Variants in STAG2 observed in about 807,000 individuals in gnomAD.
STAG2 encodes cohesin subunit SA-2.
STAG2 carries 14 observed loss-of-function variants against 108.1 expected under a neutral mutation model. The ratio of observed to expected loss-of-function variants is 0.13; its 90% CI spans 0.09 to 0.20. The LOEUF (loss-of-function observed/expected upper bound fraction) is 0.20. Ranked by LOEUF, STAG2 falls within the 10% of genes least tolerant of loss-of-function variation. The pLI, the probability that STAG2 is intolerant of heterozygous loss-of-function variation, is 1.00. For missense variants in STAG2, 440 were observed against 940.9 expected (o/e 0.47, Z 6.96); for synonymous variants, 307 against 302.7 (o/e 1.01, Z -0.15).
At chrX:123,968,941 T>G (rs932071376) in intron 1 of STAG2, among the ~76,000 whole-genome samples, 1 of 111,969 alleles carries the variant, frequency 8.9e-6, no homozygotes, top group Non-Finnish European at 1.9e-5. Flanking sequence ...ACACTCAGAT[T>G]AGCCTGGCCT....
chrX:124,034,644 A>G (rs191892324), intron 5 of STAG2, among the ~76,000 whole-genome samples: 2 of 111,101 alleles, frequency 1.8e-5, no homozygotes, highest in African/African-American at 3.3e-5. Flanking sequence ...CCCCCCTTGC[A>G]TATCAAATAG....
At chrX:124,066,055 C>T (rs2148339250) in intron 21 of STAG2, 109 bp downstream of exon 21, 3 of 907,314 alleles carry the variant, frequency 3.3e-6, no homozygotes, top group Non-Finnish European at 3.0e-6. Flanking sequence ...GTTGTGGGGG[C>T]ATTTTAAAGT....
chrX:124,093,419 A>G (rs934831480), intron 32 of STAG2, among the ~76,000 whole-genome samples: 7 of 106,709 alleles, frequency 6.6e-5, no homozygotes, highest in Admixed American at 2.0e-4. Flanking sequence ...TCTGTTTGCC[A>G]TGGTAGACTG....
intron 1 of STAG2, among the ~76,000 whole-genome samples, chrX:124,020,256 C>T (rs184457848): frequency 8.9e-6 from 1 of 111,961 alleles, no homozygotes; most frequent in East Asian, 2.8e-4. Flanking sequence ...ACTGTATTTA[C>T]GAACTACCTT....
intron 1 of STAG2, among the ~76,000 whole-genome samples, chrX:124,008,145 A>G (rs751052614): frequency 2.6e-4 from 29 of 111,048 alleles, no homozygotes; most frequent in Admixed American, 1.2e-3. Flanking sequence ...AATAGATTAT[A>G]TGTAGAAGTT....
At chrX:123,965,670 T>G (rs762780749) in intron 1 of STAG2, among the ~76,000 whole-genome samples, 12 of 111,657 alleles carry the variant, frequency 1.1e-4, no homozygotes, top group Non-Finnish European at 3.8e-5. Flanking sequence ...CAGACTTCAG[T>G]TTTTGATGCT....
chrX:123,982,480 C>T (rs1386155338), intron 1 of STAG2, among the ~76,000 whole-genome samples: 1 of 111,903 alleles, frequency 8.9e-6, no homozygotes, highest in Non-Finnish European at 1.9e-5. Flanking sequence ...CAACCTCCAC[C>T]TCCTGGGTTC....
chrX:124,025,151 C>T (rs773290757), intron 3 of STAG2, among the ~76,000 whole-genome samples: 4 of 110,813 alleles, frequency 3.6e-5, no homozygotes, highest in South Asian at 3.8e-4. Flanking sequence ...TTCTTTCCTG[C>T]GTATATATTA....
intron 24 of STAG2, among the ~76,000 whole-genome samples, chrX:124,069,617 C>CT (rs762284005): frequency 8.6e-4 from 96 of 111,668 alleles, no homozygotes; most frequent in Non-Finnish European, 1.5e-3. Context: ...CTGGTAGTCT[C>CT]TTTTTTTCTT....
At chrX:124,095,612 G>A in intron 34 of STAG2, 163 bp downstream of exon 34, 1 of 449,548 alleles carries the variant, frequency 2.2e-6, no homozygotes, top group Non-Finnish European at 3.9e-6. Context: ...GGGGAAGAGA[G>A]TGCTGCAATA....
intron 1 of STAG2, among the ~76,000 whole-genome samples, chrX:123,964,538 A>G (rs2054008020): frequency 9.0e-6 from 1 of 111,418 alleles, no homozygotes; most frequent in African/African-American, 3.3e-5. Context: ...TTGAGGTACC[A>G]TAGGGAGCAT....
At chrX:123,965,144 T>A (rs934081089) in intron 1 of STAG2, among the ~76,000 whole-genome samples, 2 of 111,897 alleles carry the variant, frequency 1.8e-5, no homozygotes, top group Middle Eastern at 4.7e-3. Context: ...TTACCATTAG[T>A]CTGTTTGTGT....
chrX:124,053,575 A>G (rs916243453), intron 13 of STAG2, among the ~76,000 whole-genome samples: 4 of 111,549 alleles, frequency 3.6e-5, no homozygotes, highest in Non-Finnish European at 7.5e-5. Flanking sequence ...ATGTATTTTT[A>G]AGTCATGTAT....
chrX:124,006,630 G>A (rs191914736), intron 1 of STAG2, among the ~76,000 whole-genome samples: 22 of 109,812 alleles, frequency 2.0e-4, no homozygotes, highest in African/African-American at 5.6e-4. Flanking sequence ...TAGTAGAGAC[G>A]GGGTTTCACT....
chrX:124,047,928 A>C (rs776504302), intron 9 of STAG2, among the ~76,000 whole-genome samples: 1 of 112,660 alleles, frequency 8.9e-6, no homozygotes, highest in East Asian at 2.7e-4. Flanking sequence ...TTTGTTTAAC[A>C]TTAATGACTG....
intron 7 of STAG2, among the ~76,000 whole-genome samples, chrX:124,043,126 AGTT>A (rs1053494148): frequency 1.8e-5 from 2 of 108,188 alleles, no homozygotes; most frequent in African/African-American, 6.7e-5. Flanking sequence ...TCTTAGTGTC[AGTT>A]GTTTTTTTTT....
At chrX:123,990,058 A>G (rs1364104756) in intron 1 of STAG2, among the ~76,000 whole-genome samples, 1 of 112,073 alleles carries the variant, frequency 8.9e-6, no homozygotes, top group Non-Finnish European at 1.9e-5. Context: ...GACAAAACAC[A>G]CATCAAAGCA....
chrX:124,031,539 G>T (rs1204635094), intron 5 of STAG2, among the ~76,000 whole-genome samples: 39 of 83,356 alleles, frequency 4.7e-4, no homozygotes, highest in Middle Eastern at 6.8e-3. Context: ...TTTTTTGTTT[G>T]TTTGTTTGTT....
intron 4 of STAG2, among the ~76,000 whole-genome samples, chrX:124,028,450 T>C (rs1169587459): frequency 9.0e-6 from 1 of 111,492 alleles, no homozygotes. Flanking sequence ...TTAAAACTTT[T>C]GAATTGTTTA....
Sources: allele counts gnomAD v4.1 joint callset (sites outside exome capture counted in the v4.1 genomes callset), GRCh38; gene constraint gnomAD v4.1.1; transcripts MANE v1.5; gene names NCBI Gene and HGNC (gene_info 2026-07-23, HGNC 2026-07-21).